Variants in ZMYND8 observed in about 807,000 individuals in gnomAD.
ZMYND8 encodes the protein MYND-type zinc finger-containing chromatin reader ZMYND8.
ZMYND8 carries 37 observed loss-of-function variants against 140.8 expected under a neutral mutation model. The observed-to-expected ratio is 0.26, with a 90% confidence interval of 0.20 to 0.35. The LOEUF is 0.35. Among genes scored for constraint, ZMYND8 ranks in the 10% least tolerant of loss-of-function variants. The probability of loss-of-function intolerance (pLI) is 1.00; values close to 1 mark genes in which losing one functional copy is unlikely to be tolerated. For synonymous variants in ZMYND8, 592 were observed against 597.1 expected (o/e 0.99, Z 0.12); for missense variants, 1,068 against 1,570.0 (o/e 0.68, Z 5.40).
intron 2 of ZMYND8, among the ~76,000 whole-genome samples, chr20:47,332,181 T>C (rs2081011029): frequency 1.3e-5 from 2 of 152,090 alleles, no homozygotes; most frequent in South Asian, 4.1e-4. Flanking sequence ...CATGGTGACG[T>C]GCGCCTATAA....
chr20:47,270,518 G>A (rs1486516629), intron 11 of ZMYND8, among the ~76,000 whole-genome samples: 1 of 151,530 alleles, frequency 6.6e-6, no homozygotes, highest in Non-Finnish European at 1.5e-5. Context: ...GTCCACAGGT[G>A]CATTTAATGT....
intron 3 of ZMYND8, among the ~76,000 whole-genome samples, chr20:47,303,512 G>T (rs540527266): frequency 6.6e-6 from 1 of 152,260 alleles, no homozygotes; most frequent in Admixed American, 6.5e-5. Context: ...CAGGTCAGGA[G>T]TTCAAGACCA....
chr20:47,349,540 C>T (rs1306663115), intron 1 of ZMYND8, among the ~76,000 whole-genome samples: 4 of 152,204 alleles, frequency 2.6e-5, no homozygotes, highest in Non-Finnish European at 5.9e-5. Flanking sequence ...AAACACTCTG[C>T]CTGAAACATA....
chr20:47,279,939 A>G (rs2076501505), intron 10 of ZMYND8, among the ~76,000 whole-genome samples: 1 of 152,150 alleles, frequency 6.6e-6, no homozygotes, highest in African/African-American at 2.4e-5. Context: ...CCTGGGCAAC[A>G]TGGCAAAACC....
chr20:47,310,518 C>A (rs2078840984), intron 2 of ZMYND8, among the ~76,000 whole-genome samples: 1 of 152,116 alleles, frequency 6.6e-6, no homozygotes, highest in East Asian at 1.9e-4. Flanking sequence ...ATTAGGAGGG[C>A]CAGGCACGGT....
At chr20:47,337,694 G>A (rs1477426803) in intron 2 of ZMYND8, among the ~76,000 whole-genome samples, 1 of 151,984 alleles carries the variant, frequency 6.6e-6, no homozygotes, top group East Asian at 1.9e-4. Context: ...TATTAGCCAC[G>A]CAAACACACC....
At chr20:47,241,694 G>A (rs1020422202) in intron 14 of ZMYND8, among the ~76,000 whole-genome samples, 1 of 152,074 alleles carries the variant, frequency 6.6e-6, no homozygotes, top group African/African-American at 2.4e-5. Flanking sequence ...GTGAGCCTAT[G>A]CCCCAGAGAG....
At chr20:47,227,804 G>C (rs1262804512) in intron 17 of ZMYND8, among the ~76,000 whole-genome samples, 1 of 152,156 alleles carries the variant, frequency 6.6e-6, no homozygotes, top group African/African-American at 2.4e-5. Flanking sequence ...TAATTAAACA[G>C]TGTTTTGGCC....
At chr20:47,285,021 G>C (rs2076833540) in intron 8 of ZMYND8, among the ~76,000 whole-genome samples, 1 of 152,142 alleles carries the variant, frequency 6.6e-6, no homozygotes, top group African/African-American at 2.4e-5. Context: ...TGAAGACTTA[G>C]AGTGTGCTGG....
intron 1 of ZMYND8, chr20:47,351,944 C>A: frequency 2.0e-6 from 2 of 985,406 alleles, no homozygotes; most frequent in Non-Finnish European, 2.4e-6. Flanking sequence ...TTAAAAAAAA[C>A]TCTGCAATGA....
chr20:47,217,020 A>G (rs957045881), intron 21 of ZMYND8, among the ~76,000 whole-genome samples: 1 of 152,192 alleles, frequency 6.6e-6, no homozygotes, highest in Admixed American at 6.5e-5. Flanking sequence ...AAAAGCGGAA[A>G]GCTGGGGTTC....
intron 12 of ZMYND8, among the ~76,000 whole-genome samples, chr20:47,250,985 G>A (rs1479891519): frequency 6.6e-6 from 1 of 151,608 alleles, no homozygotes; most frequent in African/African-American, 2.4e-5. Flanking sequence ...CTATGATCAC[G>A]CCACTGCACT....
intron 11 of ZMYND8, among the ~76,000 whole-genome samples, chr20:47,264,664 T>TGG (rs11476416): frequency 6.6e-6 from 1 of 151,832 alleles, no homozygotes; most frequent in South Asian, 2.1e-4. Context: ...ATTCCTTCAC[T>TGG]GGGGGGGGCT....
At position 47,236,455 on chromosome 20, in the gene ZMYND8, G is replaced by A; in HGVS notation, c.2727C>T (p.Ser909=). Reference sequence around the variant, plus strand: ...TGGTGACCAGGGGCGATGACTGTGTGCTGGTCACCAGGGTGATGGTGGACG... The same window carrying A: ...TGGTGACCAGGGGCGATGACTGTGTACTGGTCACCAGGGTGATGGTGGACG... ...PSTSTITLVT[S]TQSSPLVTSS... The change falls in exon 16 of 23, where the codon AGC becomes AGT. Residue 909 remains serine (S), a synonymous_variant. Coordinates refer to ENST00000471951, the MANE Select transcript of ZMYND8 (RefSeq NM_001281775.3). The A allele has an allele frequency of 1.2e-6, 2 of 1,612,816 alleles. No individual in the cohort carries two copies. Among genetic ancestry groups the A allele is most frequent in the Non-Finnish European group, 1.7e-6 (2 of 1,179,290 alleles).
chr20:47,285,340 A>C (rs1323307039), intron 8 of ZMYND8, among the ~76,000 whole-genome samples: 1 of 152,256 alleles, frequency 6.6e-6, no homozygotes, highest in Non-Finnish European at 1.5e-5. Context: ...CAGGTCAGCG[A>C]GTAAGTAAGC....
At chr20:47,350,328 GAAAAAAAAAAAA>G (rs3084684) in intron 1 of ZMYND8, among the ~76,000 whole-genome samples, 4 of 93,250 alleles carry the variant, frequency 4.3e-5, no homozygotes, top group Non-Finnish European at 7.7e-5. Context: ...ATTAAAAGGA[GAAAAAAAAAAAA>G]AAAAAAAAAA....
chr20:47,255,726 A>ATG (rs2074599515), intron 12 of ZMYND8, among the ~76,000 whole-genome samples: 1 of 11,706 alleles, frequency 8.5e-5, no homozygotes, highest in South Asian at 3.3e-3. Context: ...ATGTGTGTAT[A>ATG]TATATATATA....
At chr20:47,236,294 C>A in intron 16 of ZMYND8, 32 bp downstream of exon 16, 1 of 1,613,160 alleles carries the variant, frequency 6.2e-7, no homozygotes, top group Admixed American at 1.7e-5. Context: ...CAGGTGTCTG[C>A]CATCTCCACG....
chr20:47,238,387 C>T (rs1300122382), intron 15 of ZMYND8: 1 of 326,292 alleles, frequency 3.1e-6, no homozygotes, highest in African/African-American at 2.1e-5. Flanking sequence ...TGTATATATA[C>T]ATATACATGC....
Sources: gnomAD v4.1 joint callset for allele counts (sites outside exome capture counted in the v4.1 genomes callset) on GRCh38, gnomAD v4.1.1 for gene constraint, MANE v1.5 for transcripts, NCBI Gene and HGNC (gene_info 2026-07-23, HGNC 2026-07-21) for gene names.